The following ZMYND15 variants were observed in gnomAD, a reference collection of about 807,000 sequenced individuals.
The protein encoded by ZMYND15 is zinc finger MYND-type containing 15.
ZMYND15 carries 54 observed loss-of-function variants against 81.7 expected under a neutral mutation model. The ratio of observed to expected loss-of-function variants is 0.66; its 90% CI spans 0.53 to 0.83. The LOEUF (loss-of-function observed/expected upper bound fraction) is 0.83, where lower values mean the gene tolerates loss of function less well. ZMYND15 is among the 40% of genes least tolerant of loss of function. The probability of loss-of-function intolerance (pLI) is 0.00; values close to 1 mark genes in which losing one functional copy is unlikely to be tolerated. For synonymous variants in ZMYND15, 399 were observed against 387.0 expected (o/e 1.03, Z -0.36); for missense variants, 925 against 973.5 (o/e 0.95, Z 0.66).
In ZMYND15 at chr17:4,744,128, G is replaced by C. The variant is rs367791627; in HGVS notation, c.1495+21G>C. 6 of 1,610,612 alleles carry C rather than the reference G, an allele frequency of 3.7e-6. No homozygotes were observed. The highest frequency in any genetic ancestry group is 4.2e-6 in the Non-Finnish European group (5 of 1,178,230). ...GTCCTGTAAGGAGAGCGGAGTGGGG[G>C]GTGGAGCAGGATGGGGGAGTGAGAG... is the stretch of plus-strand genomic sequence containing the variant. On this transcript the variant is annotated intron_variant, in intron 8 of 13. Coordinates refer to ENST00000433935, the MANE Select transcript of ZMYND15 (RefSeq NM_001136046.3). The surrounding 1 kb of genome is among the most constrained non-coding windows in gnomAD (Gnocchi z 4.1).
At position 4,743,279 on chromosome 17, in the gene ZMYND15, A is replaced by T. The variant is rs367659222; in HGVS notation, c.1145-24A>T. The T allele has an allele frequency of 5.6e-6, 9 of 1,596,378 alleles. No individual in the cohort carries two copies. In the African/African-American group the frequency reaches 1.1e-4, roughly 19 times the overall value. On this transcript the variant is annotated intron_variant, in intron 5 of 13. Transcript: ENST00000433935. This position sits in a 1 kb window ranked among gnomAD's most constrained non-coding sequence, Gnocchi z 4.3. ...TCTGGGGTTCTAGCCCAGCACCTCA[A>T]CTCCTCCCCTTCTCCTTCTCCAGAG...
chr17:4,741,264 T>C, intron 2 of ZMYND15, 124 bp downstream of exon 2: 2 of 1,167,812 alleles, frequency 1.7e-6, no homozygotes, highest in East Asian at 3.0e-5. Flanking sequence ...GGTGTTTTTA[T>C]TGACCCACAG....
In ZMYND15 at chr17:4,742,170, G is replaced by A. The variant is rs147510666; in HGVS notation, c.983+100G>A. 1.6e-3 allele frequency: 2,494 copies of A among 1,560,290 alleles called. 52 individuals are homozygous for A. In the African/African-American group the frequency reaches 0.03, roughly 19 times the overall value. On this transcript the variant is annotated intron_variant, in intron 4 of 13. Transcript: ENST00000433935. ...CCTAGCAGACAGAAGGAGAGGCAGG[G>A]ACATGAGAAGATGCAGAGGAAACAA...
At position 4,743,675 on chromosome 17, in the gene ZMYND15, C is replaced by T. The variant is rs566682313; in HGVS notation, c.1298-92C>T. The T allele has an allele frequency of 5.5e-5, 76 of 1,378,966 alleles. No individual in the cohort carries two copies. In the African/African-American group the frequency reaches 8.2e-4, roughly 15 times the overall value. The allele number at this position is 1,378,966 out of a possible 1,614,324, so 85.4% of individuals were successfully genotyped here. On this transcript the variant is annotated intron_variant, in intron 6 of 13. Transcript: ENST00000433935. This position sits in a 1 kb window ranked among gnomAD's most constrained non-coding sequence, Gnocchi z 4.3. ...CCCCCATTCCTCTTACTGCGGCTGTCTCAGGGAATACAGCCCCTTTGGAAG... is the reference window on the plus strand; with the variant it reads ...CCCCCATTCCTCTTACTGCGGCTGTTTCAGGGAATACAGCCCCTTTGGAAG...
In ZMYND15 at chr17:4,739,885, C is replaced by T. The variant is rs759270062; in HGVS notation, c.-196C>T. 1,367 of 985,632 alleles carry T rather than the reference C, an allele frequency of 1.4e-3. 1 individual carries two copies. Among genetic ancestry groups the T allele is most frequent in the Non-Finnish European group, 1.6e-3 (1,323 of 830,208 alleles). The allele number at this position is 985,632 out of a possible 1,614,324, so 61.1% of individuals were successfully genotyped here. On this transcript the variant is annotated 5_prime_UTR_variant, in exon 1 of 14. Transcript: ENST00000433935. This position sits in a 1 kb window ranked among gnomAD's most constrained non-coding sequence, Gnocchi z 5.3. ...GCCCGGTGGAGAGAGTCGCCGCCAG[C>T]CCCGGCCGCGCGCACCTGCGGGGCA...
chr17:4,742,200 G>A lies in ZMYND15; in HGVS notation c.983+130G>A, dbSNP rs139943789. On this transcript the variant is annotated intron_variant, in intron 4 of 13. Transcript: ENST00000433935. ...GAGAAGATGCAGAGGAAACAATACA[G>A]ACTGTTACAGGCGGTTAGAGGGTGT... 285 of 1,536,932 alleles carry A rather than the reference G, an allele frequency of 1.9e-4. 1 individual carries two copies. The African/African-American group carries it at 3.6e-3, about 19-fold the overall frequency.
At chr17:4,742,822 C>T (rs1033901319) in intron 5 of ZMYND15, among the ~76,000 whole-genome samples, 5 of 152,096 alleles carry the variant, frequency 3.3e-5, no homozygotes, top group African/African-American at 4.8e-5. Flanking sequence ...ATGAGGGATA[C>T]GGAGAAGGCC....
At position 4,744,172 on chromosome 17, in the gene ZMYND15, C is replaced by T. The variant is rs151181289; in HGVS notation, c.1496-18C>T. Reference sequence around the variant, plus strand: ...GTGAGAGTGGACCACATCCTTAAAGCGCTGGTTTTTCACCCAGTCCCTGAG... The same window carrying T: ...GTGAGAGTGGACCACATCCTTAAAGTGCTGGTTTTTCACCCAGTCCCTGAG... On this transcript the variant is annotated intron_variant, in intron 8 of 13. Coordinates refer to ENST00000433935, the MANE Select transcript of ZMYND15 (RefSeq NM_001136046.3). The surrounding 1 kb of genome is among the most constrained non-coding windows in gnomAD (Gnocchi z 4.1). The T allele has an allele frequency of 2.0e-5, 33 of 1,613,902 alleles. No homozygotes were observed. Among genetic ancestry groups the T allele is most frequent in the East Asian group, 1.3e-4 (6 of 44,872 alleles).
chr17:4,743,793 G>A lies in ZMYND15; in HGVS notation c.1324G>A (p.Asp442Asn), dbSNP rs377322329. 6 of 1,613,932 alleles carry A rather than the reference G, an allele frequency of 3.7e-6. No individual in the cohort carries two copies. In the African/African-American group the frequency reaches 5.3e-5, roughly 14 times the overall value. ...AGACCCCTACCAGCTTCTCCAGGGA[G>A]ACGGGACTGCCCTGATGCCTCCTGT... is the stretch of plus-strand genomic sequence containing the variant. ...GGDPYQLLQGDGTALMPPVPP... is the reference protein window; with the variant it reads ...GGDPYQLLQGNGTALMPPVPP... Residue 442 changes from aspartate to asparagine, a missense_variant, in exon 7 of 14, where the codon GAC (aspartate) becomes AAC (asparagine). Coordinates refer to ENST00000433935, the MANE Select transcript of ZMYND15 (RefSeq NM_001136046.3). The surrounding 1 kb of genome is among the most constrained non-coding windows in gnomAD (Gnocchi z 4.3).
chr17:4,742,097 G>A, intron 4 of ZMYND15, 27 bp downstream of exon 4: 1 of 1,612,982 alleles, frequency 6.2e-7, no homozygotes, highest in Non-Finnish European at 8.5e-7. Context: ...CTGGGGGAGA[G>A]GAAGACCCCA....
chr17:4,745,980 G>A lies in ZMYND15; in HGVS notation c.2219G>A (p.Arg740Gln). ...AAGAAACCTGGGCGGGGGGCCCGCC[G>A]GCGGAAATGAATGCTGATACCCTAG... Reference protein sequence around the residue: ...GEKKPGRGARRRK With the variant: ...GEKKPGRGARQRK Residue 740 changes from arginine to glutamine, a missense_variant, in exon 14 of 14, where the codon CGG becomes CAG. By Grantham distance (43) the Arg-to-Gln change is conservative (BLOSUM62 1). Transcript: ENST00000433935. The surrounding 1 kb of genome is among the most constrained non-coding windows in gnomAD (Gnocchi z 5.2). 1 of 1,441,570 alleles carries A rather than the reference G, an allele frequency of 6.9e-7. No individual in the cohort carries two copies. Among genetic ancestry groups the A allele is most frequent in the Non-Finnish European group, 9.1e-7 (1 of 1,102,056 alleles). The allele number at this position is 1,441,570 out of a possible 1,614,324, so 89.3% of individuals were successfully genotyped here.
At position 4,744,475 on chromosome 17, in the gene ZMYND15, C is replaced by CT; in HGVS notation, c.1683+9dup. The CT allele has an allele frequency of 6.2e-7, 1 of 1,613,706 alleles. No individual in the cohort carries two copies. The highest frequency in any genetic ancestry group is 8.5e-7 in the Non-Finnish European group (1 of 1,179,982). On this transcript the variant is annotated intron_variant, in intron 10 of 13. Coordinates refer to ENST00000433935, the MANE Select transcript of ZMYND15 (RefSeq NM_001136046.3). This position sits in a 1 kb window ranked among gnomAD's most constrained non-coding sequence, Gnocchi z 4.1. The stretch of plus-strand genomic sequence containing the variant: ...CATTTTACCCTGCAGAGGGTGAGGG[C>CT]TGAGGGGGCCCTGCTTTTCAGCCCT...
Position 4,744,487 on chromosome 17 carries a change from T to C in ZMYND15, c.1683+20T>C. 1.2e-6 allele frequency: 2 copies of C among 1,613,742 alleles called. No individual in the cohort carries two copies. The highest frequency in any genetic ancestry group is 1.7e-6 in the Non-Finnish European group (2 of 1,179,798). On this transcript the variant is annotated intron_variant, in intron 10 of 13. Coordinates refer to ENST00000433935, the MANE Select transcript of ZMYND15 (RefSeq NM_001136046.3). This position sits in a 1 kb window ranked among gnomAD's most constrained non-coding sequence, Gnocchi z 4.1. Reference sequence around the variant, plus strand: ...CAGAGGGTGAGGGCTGAGGGGGCCCTGCTTTTCAGCCCTGACCCCTCCAGT... The same window carrying C: ...CAGAGGGTGAGGGCTGAGGGGGCCCCGCTTTTCAGCCCTGACCCCTCCAGT...
At position 4,740,565 on chromosome 17, in the gene ZMYND15, G is replaced by C. The variant is rs765269596; in HGVS notation, c.17G>C (p.Gly6Ala). MEFVSGYRDEFLDFTA... is the reference protein window; with the variant it reads MEFVSAYRDEFLDFTA... ...GCTGAAGACATGGAGTTTGTGTCTG[G>C]ATACCGGGATGAGTTCCTTGATTTC... is the stretch of plus-strand genomic sequence containing the variant. The change falls in exon 2 of 14, where the codon GGA becomes GCA. Residue 6 changes from glycine to alanine, a missense_variant. Transcript: ENST00000433935. 3 of 1,601,280 alleles carry C rather than the reference G, an allele frequency of 1.9e-6. No homozygotes were observed. Among genetic ancestry groups the C allele is most frequent in the Non-Finnish European group, 2.6e-6 (3 of 1,171,432 alleles).
In ZMYND15 at chr17:4,741,663, A is replaced by G; in HGVS notation, c.674A>G (p.Asp225Gly). Reference sequence around the variant, plus strand: ...ATCTTGGGCATTGATCTGCTAGTGGATGGAGCCCAGGGAACCGCAAGCTGG... The same window carrying G: ...ATCTTGGGCATTGATCTGCTAGTGGGTGGAGCCCAGGGAACCGCAAGCTGG... Reference protein sequence around the residue: ...GTILGIDLLVDGAQGTASWGS... With the variant: ...GTILGIDLLVGGAQGTASWGS... The change falls in exon 3 of 14, where the codon GAT (aspartate) becomes GGT (glycine). Residue 225 changes from aspartate (D) to glycine (G), a missense_variant. Coordinates refer to ENST00000433935, the MANE Select transcript of ZMYND15 (RefSeq NM_001136046.3). The G allele has an allele frequency of 1.2e-6, 2 of 1,614,010 alleles. No homozygotes were observed. Among genetic ancestry groups the G allele is most frequent in the Non-Finnish European group, 1.7e-6 (2 of 1,179,988 alleles).
chr17:4,741,698 A>T lies in ZMYND15; in HGVS notation c.709A>T (p.Thr237Ser), dbSNP rs1268354801. The change falls in exon 3 of 14, where the codon ACC becomes TCC. Residue 237 changes from threonine to serine, a missense_variant. Transcript: ENST00000433935. ...GGGAACCGCAAGCTGGGGCTCAGGG[A>T]CCAAGGACCTGGCTCCTTGGGCCTA... ...AQGTASWGSG[T>S]KDLAPWAYAL... 3.7e-6 allele frequency: 6 copies of T among 1,614,062 alleles called. No individual in the cohort carries two copies. Among genetic ancestry groups the T allele is most frequent in the Non-Finnish European group, 5.1e-6 (6 of 1,179,970 alleles).
At position 4,745,792 on chromosome 17, in the gene ZMYND15, C is replaced by T; in HGVS notation, c.2058-27C>T. 2 of 1,513,936 alleles carry T rather than the reference C, an allele frequency of 1.3e-6. No individual in the cohort carries two copies. The highest frequency in any genetic ancestry group is 1.8e-6 in the Non-Finnish European group (2 of 1,125,106). 93.8% of individuals were successfully genotyped at this position (1,513,936 alleles called of 1,614,324 possible). A position where few individuals can be genotyped will look rare whatever the true frequency, so the allele number is the denominator to read the frequency against. On this transcript the variant is annotated intron_variant, in intron 13 of 13. Coordinates refer to ENST00000433935, the MANE Select transcript of ZMYND15 (RefSeq NM_001136046.3). This position sits in a 1 kb window ranked among gnomAD's most constrained non-coding sequence, Gnocchi z 5.2. ...ACCCCTGGGAGTCCCGCCCCGTGGT[C>T]CCTGACTGCGCCCCGCGCCCCCGCA...
chr17:4,743,678 A>G lies in ZMYND15; in HGVS notation c.1298-89A>G. On this transcript the variant is annotated intron_variant, in intron 6 of 13. Coordinates refer to ENST00000433935, the MANE Select transcript of ZMYND15 (RefSeq NM_001136046.3). The surrounding 1 kb of genome is among the most constrained non-coding windows in gnomAD (Gnocchi z 4.3). The stretch of plus-strand genomic sequence containing the variant: ...CCATTCCTCTTACTGCGGCTGTCTC[A>G]GGGAATACAGCCCCTTTGGAAGGAA... The G allele has an allele frequency of 7.2e-7, 1 of 1,386,118 alleles. No homozygotes were observed. The highest frequency in any genetic ancestry group is 9.9e-7 in the Non-Finnish European group (1 of 1,013,756). 85.9% of individuals were successfully genotyped at this position (1,386,118 alleles called of 1,614,324 possible).
In ZMYND15 at chr17:4,741,717, G is replaced by A. The variant is rs1916423133; in HGVS notation, c.728G>A (p.Trp243Ter). The change falls in exon 3 of 14, where the codon TGG becomes TAG. Residue 243 changes from tryptophan (W) to a stop codon, truncating the protein, a stop_gained. Coordinates refer to ENST00000433935, the MANE Select transcript of ZMYND15 (RefSeq NM_001136046.3). LOFTEE classifies it high-confidence loss of function. ...WGSGTKDLAPWAYALLCHSMA... is the reference protein window; with the variant it reads ...WGSGTKDLAP ...TCAGGGACCAAGGACCTGGCTCCTT[G>A]GGCCTATGCTCTCCTCTGTCACAGC... 4 of 1,613,426 alleles carry A rather than the reference G, an allele frequency of 2.5e-6. No homozygotes were observed. The highest frequency in any genetic ancestry group is 3.3e-5 in the Admixed American group (2 of 59,920).
Sources: allele counts gnomAD v4.1 joint callset (sites outside exome capture counted in the v4.1 genomes callset), GRCh38; gene constraint gnomAD v4.1.1; non-coding constraint Gnocchi (gnomAD v3.1); transcripts MANE v1.5; gene names NCBI Gene and HGNC (gene_info 2026-07-23, HGNC 2026-07-21).